C3orf70: variants seen among roughly 807,000 people sequenced by gnomAD.
C3orf70 encodes the protein UPF0524 protein C3orf70.
In C3orf70, 15 loss-of-function variants were observed where a neutral mutation model predicts 20.7. The ratio of observed to expected loss-of-function variants is 0.72; its 90% CI spans 0.48 to 1.11. C3orf70 has a LOEUF of 1.11. Ranked by LOEUF, C3orf70 falls within the 50% of genes most tolerant of loss-of-function variation. The probability of loss-of-function intolerance (pLI) is 0.00; values close to 1 mark genes in which losing one functional copy is unlikely to be tolerated. For synonymous variants in C3orf70, 161 were observed against 125.7 expected (o/e 1.28, Z -1.88); for missense variants, 332 against 317.6 (o/e 1.05, Z -0.34).
At chr3:185,144,227 A>T (rs1716811786) in intron 1 of C3orf70, among the ~76,000 whole-genome samples, 1 of 152,188 alleles carries the variant, frequency 6.6e-6, no homozygotes, top group South Asian at 2.1e-4. Context: ...AACACCAAGA[A>T]GCTGGTACTA....
chr3:185,143,981 AACACACAC>A lies in C3orf70; in HGVS notation c.196+8639_196+8646del, dbSNP rs34762767. ...GAGCAAAATGTAAGATTCTATGGTA[AACACACAC>A]ACACACACACACACACACACACTCA... is the stretch of plus-strand genomic sequence containing the variant. On this transcript the variant is annotated intron_variant, in intron 1 of 1. Transcript: ENST00000335012. Among the ~76,000 whole-genome samples the A allele has an allele frequency of 5.6e-3, 835 of 148,940 alleles. 8 individuals carry two copies. The highest frequency in any genetic ancestry group is 0.018 in the African/African-American group (748 of 40,670).
At chr3:185,094,997 G>T (rs1055071746) in intron 1 of C3orf70, among the ~76,000 whole-genome samples, 5 of 152,190 alleles carry the variant, frequency 3.3e-5, no homozygotes, top group Non-Finnish European at 7.3e-5. Context: ...TGTGATGCGG[G>T]GAAAGAGGCA....
rs1239238651 is a variant in C3orf70, at chr3:185,080,757, CT to C, written c.*2249del. 6.6e-6 allele frequency: 1 copy of C among 152,148 alleles called. No homozygotes were observed. Among genetic ancestry groups the C allele is most frequent in the East Asian group, 1.9e-4 (1 of 5,168 alleles). The allele number at this position is 152,148 out of a possible 1,614,324, so 9.4% of individuals were successfully genotyped here. A position where few individuals can be genotyped will look rare whatever the true frequency, so the allele number is the denominator to read the frequency against. On this transcript the variant is annotated 3_prime_UTR_variant, in exon 2 of 2. Coordinates refer to ENST00000335012, the MANE Select transcript of C3orf70 (RefSeq NM_001025266.3). ...GGTTCATCAGATGTCCCTGTGCCAC[CT>C]GAGCCATGCCCTGGCAGGGGGAAGC...
At chr3:185,101,035 T>C (rs1715811079) in intron 1 of C3orf70, among the ~76,000 whole-genome samples, 1 of 152,032 alleles carries the variant, frequency 6.6e-6, no homozygotes, top group Non-Finnish European at 1.5e-5. Flanking sequence ...ATTTAATCGG[T>C]AATAAATAGC....
In C3orf70 at chr3:185,077,653, C is replaced by G. The variant is rs576203018; in HGVS notation, c.*5354G>C. ...AGTCTTGGTGACCAAGCGACCCCCCCAAGCTCTGCCGGGCAGCAGCCTCCC... is the reference window on the plus strand; with the variant it reads ...AGTCTTGGTGACCAAGCGACCCCCCGAAGCTCTGCCGGGCAGCAGCCTCCC... On this transcript the variant is annotated 3_prime_UTR_variant, in exon 2 of 2. Coordinates refer to ENST00000335012, the MANE Select transcript of C3orf70 (RefSeq NM_001025266.3). Among the ~76,000 whole-genome samples the G allele has an allele frequency of 6.6e-6, 1 of 152,262 alleles. No homozygotes were observed. Among genetic ancestry groups the G allele is most frequent in the East Asian group, 1.9e-4 (1 of 5,180 alleles).
intron 1 of C3orf70, among the ~76,000 whole-genome samples, chr3:185,123,867 T>C (rs1395254965): frequency 2.0e-5 from 3 of 152,224 alleles, no homozygotes; most frequent in Non-Finnish European, 2.9e-5. Context: ...AATTATTTTT[T>C]CCAGAATTAT....
In C3orf70 at chr3:185,152,969, G is replaced by A. The variant is rs1378969894; in HGVS notation, c.-146C>T. The A allele has an allele frequency of 6.3e-6, 4 of 637,124 alleles. No homozygotes were observed. Among genetic ancestry groups the A allele is most frequent in the East Asian group, 3.9e-5 (1 of 25,484 alleles). 39.5% of individuals were successfully genotyped at this position (637,124 alleles called of 1,614,324 possible). On this transcript the variant is annotated 5_prime_UTR_variant, in exon 1 of 2. Coordinates refer to ENST00000335012, the MANE Select transcript of C3orf70 (RefSeq NM_001025266.3). ...CACGCGGCGGCGGCGGGAGCGCGGC[G>A]GTCCCAGGCTCGAGGAGGAGCCGCC...
rs1394583924 is a variant in C3orf70, at chr3:185,079,055, G to A, written c.*3952C>T. On this transcript the variant is annotated 3_prime_UTR_variant, in exon 2 of 2. Transcript: ENST00000335012. ...CCAGCACTTTGGGAAGCCGAGGAGG[G>A]TGGATCACGAGGTCATGAGATCAAG... 6.6e-6 allele frequency: 1 copy of A among 152,140 alleles called. No individual in the cohort carries two copies. The highest frequency in any genetic ancestry group is 1.5e-5 in the Non-Finnish European group (1 of 68,046). 9.4% of individuals were successfully genotyped at this position (152,140 alleles called of 1,614,324 possible).
rs1715310059 is a variant in C3orf70, at chr3:185,080,475, T to C, written c.*2532A>G. The stretch of plus-strand genomic sequence containing the variant: ...AGAAATCTGGTTGACTCCATTGGCT[T>C]AGTGGTGGGAATGTGGGCCTGTACG... On this transcript the variant is annotated 3_prime_UTR_variant, in exon 2 of 2. Transcript: ENST00000335012. The C allele has an allele frequency of 6.6e-6, 1 of 152,626 alleles. No individual in the cohort carries two copies. Among genetic ancestry groups the C allele is most frequent in the Non-Finnish European group, 1.5e-5 (1 of 68,056 alleles). 9.5% of individuals were successfully genotyped at this position (152,626 alleles called of 1,614,324 possible). A position where few individuals can be genotyped will look rare whatever the true frequency, so the allele number is the denominator to read the frequency against.
At position 185,152,649 on chromosome 3, in the gene C3orf70, A is replaced by G; in HGVS notation, c.175T>C (p.Cys59Arg). The G allele has an allele frequency of 6.3e-7, 1 of 1,585,800 alleles. No individual in the cohort carries two copies. The highest frequency in any genetic ancestry group is 8.6e-7 in the Non-Finnish European group (1 of 1,166,220). ...HGKCFKLHWC[C>R]HLGWCHCKYM... ...TTACAGTGACACCATCCTAGGTGACAGCACCAGTGCAGCTTGAAGCACTTG... is the reference window on the plus strand; with the variant it reads ...TTACAGTGACACCATCCTAGGTGACGGCACCAGTGCAGCTTGAAGCACTTG... The change falls in exon 1 of 2, where the codon TGT becomes CGT. Residue 59 changes from cysteine (C) to arginine (R), a missense_variant. Physicochemically the swap from Cys to Arg is radical, Grantham distance 180 (BLOSUM62 -3). Transcript: ENST00000335012.
At chr3:185,148,725 T>C (rs960892724) in intron 1 of C3orf70, among the ~76,000 whole-genome samples, 9 of 152,232 alleles carry the variant, frequency 5.9e-5, no homozygotes, top group Non-Finnish European at 4.4e-5. Context: ...TCATGGTTTA[T>C]TCAGCTTAAT....
chr3:185,087,509 C>A (rs1443526371), intron 1 of C3orf70, among the ~76,000 whole-genome samples: 1 of 152,172 alleles, frequency 6.6e-6, no homozygotes, highest in African/African-American at 2.4e-5. Flanking sequence ...CTGACCCATG[C>A]TACAACTAGA....
chr3:185,143,303 A>G (rs1386402157), intron 1 of C3orf70, among the ~76,000 whole-genome samples: 1 of 152,244 alleles, frequency 6.6e-6, no homozygotes, highest in Non-Finnish European at 1.5e-5. Flanking sequence ...AAGATAAAGC[A>G]AATGAGTCCA....
chr3:185,103,576 C>G (rs1187108067), intron 1 of C3orf70, among the ~76,000 whole-genome samples: 1 of 151,880 alleles, frequency 6.6e-6, no homozygotes, highest in African/African-American at 2.4e-5. Context: ...ACGCAGCCAA[C>G]AAGCATATGA....
chr3:185,099,390 C>G (rs1162289592), intron 1 of C3orf70, among the ~76,000 whole-genome samples: 1 of 152,202 alleles, frequency 6.6e-6, no homozygotes, highest in Non-Finnish European at 1.5e-5. Context: ...AGAAACTCTA[C>G]AAGCCAGAAG....
Position 185,124,861 on chromosome 3 carries a change from G to A in C3orf70, c.196+27767C>T, listed in dbSNP as rs568171067. On this transcript the variant is annotated intron_variant, in intron 1 of 1. Coordinates refer to ENST00000335012, the MANE Select transcript of C3orf70 (RefSeq NM_001025266.3). Reference sequence around the variant, plus strand: ...AAAAAGTGAGCAAACAATTTGAACAGATATTTCACCAAAGATTATACAGAT... The same window carrying A: ...AAAAAGTGAGCAAACAATTTGAACAAATATTTCACCAAAGATTATACAGAT... Among the ~76,000 whole-genome samples, 24 of 152,226 alleles carry A rather than the reference G, an allele frequency of 1.6e-4. 1 individual carries two copies. The South Asian group carries it at 4.4e-3, about 28-fold the overall frequency.
chr3:185,105,175 G>A (rs909123733), intron 1 of C3orf70, among the ~76,000 whole-genome samples: 4 of 152,220 alleles, frequency 2.6e-5, no homozygotes, highest in Non-Finnish European at 4.4e-5. Context: ...AGGTTAAGTA[G>A]ATGTTAGGAC....
chr3:185,147,048 A>C (rs536050155), intron 1 of C3orf70, among the ~76,000 whole-genome samples: 3 of 152,206 alleles, frequency 2.0e-5, no homozygotes, highest in Non-Finnish European at 2.9e-5. Context: ...AGTCTTGAAA[A>C]GCACTCCCAA....
At chr3:185,142,831 A>G (rs1373091782) in intron 1 of C3orf70, among the ~76,000 whole-genome samples, 1 of 152,196 alleles carries the variant, frequency 6.6e-6, no homozygotes, top group East Asian at 1.9e-4. Flanking sequence ...TAATAATGTG[A>G]CAAAAATGTT....
Sources: gnomAD v4.1 joint callset for allele counts (sites outside exome capture counted in the v4.1 genomes callset) on GRCh38, gnomAD v4.1.1 for gene constraint, MANE v1.5 for transcripts, NCBI Gene and HGNC (gene_info 2026-07-23, HGNC 2026-07-21) for gene names.